Variants in ARHGAP29 observed in about 807,000 individuals in gnomAD.
ARHGAP29 encodes the protein Rho GTPase activating protein 29.
ARHGAP29 carries 43 observed loss-of-function variants against 122.6 expected under a neutral mutation model. That is an observed-to-expected ratio of 0.35 (90% CI 0.27 to 0.45). ARHGAP29 has a LOEUF of 0.45. Ranked by LOEUF, ARHGAP29 falls within the 20% of genes least tolerant of loss-of-function variation. The pLI is 1.00. For missense variants in ARHGAP29, 1,303 were observed against 1,477.2 expected (o/e 0.88, Z 1.93); for synonymous variants, 506 against 497.1 (o/e 1.02, Z -0.24).
At chr1:94,217,256 G>A (rs747036603) in intron 3 of ARHGAP29, among the ~76,000 whole-genome samples, 1 of 152,110 alleles carries the variant, frequency 6.6e-6, no homozygotes, top group Non-Finnish European at 1.5e-5. Context: ...TGATGGGGCC[G>A]GGAGCGGTGG....
rs1277379337 is a variant in ARHGAP29, at chr1:94,203,998, A to G, written c.698-4T>C. The G allele has an allele frequency of 1.2e-6, 2 of 1,613,276 alleles. No individual in the cohort carries two copies. Among genetic ancestry groups the G allele is most frequent in the Non-Finnish European group, 1.7e-6 (2 of 1,179,442 alleles). The stretch of plus-strand genomic sequence containing the variant: ...ATATTTCTAGTGGACTCCAATTCTG[A>G]AAAGTTCAAAGAGGGTATCAGAAGG... On this transcript the variant is annotated splice_polypyrimidine_tract_variant and splice_region_variant and intron_variant, in intron 7 of 22. Coordinates refer to ENST00000260526, the MANE Select transcript of ARHGAP29 (RefSeq NM_004815.4).
the ARHGAP29 span, among the ~76,000 whole-genome samples, chr1:94,298,494 A>C: frequency 6.6e-6 from 1 of 152,160 alleles, no homozygotes; most frequent in African/African-American, 2.4e-5. Context: ...AGACGTGAGG[A>C]TTACCTGTAT....
upstream of ARHGAP29, among the ~76,000 whole-genome samples, chr1:94,239,260 G>T (rs1285097078): frequency 2.6e-5 from 4 of 152,090 alleles, no homozygotes; most frequent in Non-Finnish European, 5.9e-5. Context: ...TCATAAGTAA[G>T]GTTTTTGGAA....
chr1:94,273,982 A>C (rs1048238831), intron 1 of ARHGAP29, among the ~76,000 whole-genome samples: 44 of 152,204 alleles, frequency 2.9e-4, no homozygotes, highest in African/African-American at 1.1e-3. Context: ...AACACCTAGT[A>C]TGGGCAGGTT....
At chr1:94,301,034 C>G in the ARHGAP29 span, among the ~76,000 whole-genome samples, 3 of 152,206 alleles carry the variant, frequency 2.0e-5, no homozygotes, top group Non-Finnish European at 2.9e-5. Context: ...TGGAAGCTAA[C>G]TAGTAGTCTG....
intron 12 of ARHGAP29, chr1:94,191,988 G>A (rs1342260257): frequency 6.6e-6 from 1 of 152,070 alleles, no homozygotes; most frequent in Non-Finnish European, 1.5e-5. Context: ...TATTGTTTGA[G>A]GTGAAGAGAA....
At chr1:94,208,226 A>C (rs925970763) in intron 5 of ARHGAP29, among the ~76,000 whole-genome samples, 4 of 152,150 alleles carry the variant, frequency 2.6e-5, no homozygotes, top group Non-Finnish European at 4.4e-5. Context: ...TTGGCCTCTT[A>C]ATGTGCTGGG....
At chr1:94,259,218 C>T (rs569297651) in intron 1 of ARHGAP29, among the ~76,000 whole-genome samples, 127 of 152,260 alleles carry the variant, frequency 8.3e-4, no homozygotes, top group African/African-American at 2.4e-3. Context: ...GGAACTCTGC[C>T]AGTGATGGGC....
At chr1:94,202,162 A>G (rs563234051) in intron 11 of ARHGAP29, 1 of 445,370 alleles carries the variant, frequency 2.2e-6, no homozygotes, top group Non-Finnish European at 3.9e-6. Context: ...ATTACATTTC[A>G]TCAATAATAC....
Position 94,169,493 on chromosome 1 carries a change from A to C in ARHGAP29, c.*4376T>G, listed in dbSNP as rs1330989163. The stretch of plus-strand genomic sequence containing the variant: ...ATGGGAGTCAGGTTTCTATGAGAGA[A>C]GGAAGTTACAAAGATGGAAAGGGAG... On this transcript the variant is annotated 3_prime_UTR_variant, in exon 23 of 23. Transcript: ENST00000260526. 6.6e-6 allele frequency among the ~76,000 whole-genome samples: 1 copy of C among 152,234 alleles called. No individual in the cohort carries two copies. The highest frequency in any genetic ancestry group is 2.4e-5 in the African/African-American group (1 of 41,464).
At chr1:94,175,578 C>T (rs1414837135) in intron 22 of ARHGAP29, among the ~76,000 whole-genome samples, 1 of 152,220 alleles carries the variant, frequency 6.6e-6, no homozygotes, top group Non-Finnish European at 1.5e-5. Flanking sequence ...ACCCACATCT[C>T]TTAGGCAGTG....
At chr1:94,309,834 T>G in the ARHGAP29 span, among the ~76,000 whole-genome samples, 1 of 152,120 alleles carries the variant, frequency 6.6e-6, no homozygotes, top group African/African-American at 2.4e-5. Context: ...TAAATGGCGA[T>G]CTCCCTTATT....
At chr1:94,192,330 C>T (rs1415025491) in intron 12 of ARHGAP29, 2 of 152,188 alleles carry the variant, frequency 1.3e-5, no homozygotes, top group Non-Finnish European at 2.9e-5. Context: ...GCCCTCTTTT[C>T]CAGCCCATGC....
intron 1 of ARHGAP29, among the ~76,000 whole-genome samples, chr1:94,246,967 G>A (rs1178862251): frequency 6.6e-6 from 1 of 152,036 alleles, no homozygotes; most frequent in African/African-American, 2.4e-5. Context: ...GCTCCAGAAG[G>A]GGCACACGGT....
At chr1:94,306,331 A>G in the ARHGAP29 span, among the ~76,000 whole-genome samples, 20 of 152,340 alleles carry the variant, frequency 1.3e-4, no homozygotes, top group East Asian at 3.1e-3. Context: ...ATTCGCAGAG[A>G]GAGAAAATGT....
intron 1 of ARHGAP29, among the ~76,000 whole-genome samples, chr1:94,272,896 T>C (rs1422781682): frequency 6.6e-6 from 1 of 152,234 alleles, no homozygotes; most frequent in Non-Finnish European, 1.5e-5. Context: ...CAGAGGGACC[T>C]TATTTCTTGG....
intron 8 of ARHGAP29, among the ~76,000 whole-genome samples, chr1:94,203,539 A>G (rs1370624621): frequency 6.6e-6 from 1 of 152,166 alleles, no homozygotes; most frequent in African/African-American, 2.4e-5. Flanking sequence ...GTTTGAGACC[A>G]GCCTAGGCAA....
chr1:94,248,554 T>C (rs1653929935), intron 1 of ARHGAP29, among the ~76,000 whole-genome samples: 2 of 152,298 alleles, frequency 1.3e-5, no homozygotes, highest in Admixed American at 1.3e-4. Context: ...ATGGGTAAAA[T>C]TATGGAAAGG....
chr1:94,288,374 T>A, the ARHGAP29 span, among the ~76,000 whole-genome samples: 1 of 152,222 alleles, frequency 6.6e-6, no homozygotes, highest in East Asian at 1.9e-4. Flanking sequence ...TTTGTCTAAG[T>A]TCTTTGTAGA....
Sources: gnomAD v4.1 joint callset for allele counts (sites outside exome capture counted in the v4.1 genomes callset) on GRCh38, gnomAD v4.1.1 for gene constraint, MANE v1.5 for transcripts, NCBI Gene and HGNC (gene_info 2026-07-23, HGNC 2026-07-21) for gene names.